Variants in PRDM5 observed in about 807,000 individuals in gnomAD.
The protein encoded by PRDM5 is PR domain zinc finger protein 5.
In PRDM5, 56 loss-of-function variants were observed where a neutral mutation model predicts 81.2. The ratio of observed to expected loss-of-function variants is 0.69; its 90% CI spans 0.56 to 0.86. The LOEUF is 0.86. Among genes scored for constraint, PRDM5 ranks in the 40% least tolerant of loss-of-function variants. The probability of loss-of-function intolerance (pLI) is 0.00; values close to 1 mark genes in which losing one functional copy is unlikely to be tolerated. For missense variants in PRDM5, 697 were observed against 770.1 expected (o/e 0.91, Z 1.12); for synonymous variants, 267 against 256.4 (o/e 1.04, Z -0.39).
intron 14 of PRDM5, among the ~76,000 whole-genome samples, chr4:120,738,430 C>T (rs1741433853): frequency 6.7e-6 from 1 of 148,750 alleles, no homozygotes; most frequent in Admixed American, 6.6e-5. Flanking sequence ...CTTAATTTAA[C>T]TTATTTATAT....
intron 2 of PRDM5, among the ~76,000 whole-genome samples, chr4:120,873,566 T>C (rs115699429): frequency 0.018 from 2,711 of 152,374 alleles, 56 homozygotes; most frequent in Middle Eastern, 0.034. Flanking sequence ...ATAGTCATTG[T>C]CAAACATTTC....
chr4:120,709,213 C>T (rs559054511), intron 15 of PRDM5, among the ~76,000 whole-genome samples: 4 of 152,212 alleles, frequency 2.6e-5, no homozygotes, highest in Non-Finnish European at 5.9e-5. Context: ...CTACTTGTGT[C>T]ACAGTACAAT....
chr4:120,781,599 G>A (rs1749045811), intron 11 of PRDM5, among the ~76,000 whole-genome samples: 2 of 152,120 alleles, frequency 1.3e-5, no homozygotes, highest in Non-Finnish European at 2.9e-5. Flanking sequence ...TTCTACAGCG[G>A]GGGCTGGGAT....
intron 1 of PRDM5, among the ~76,000 whole-genome samples, chr4:120,913,304 A>G (rs1004374891): frequency 1.3e-5 from 2 of 152,208 alleles, no homozygotes; most frequent in South Asian, 4.1e-4. Context: ...CTTGAGTCCA[A>G]GAGAATTGCA....
chr4:120,699,161 A>AATATAAATAT (rs1286927101), intron 15 of PRDM5, among the ~76,000 whole-genome samples: 312 of 73,326 alleles, frequency 4.3e-3, no homozygotes, highest in Non-Finnish European at 7.4e-3. Context: ...AGGAAATATA[A>AATATAAATAT]ATATATATAT....
At chr4:120,788,171 T>C (rs1204264856) in intron 10 of PRDM5, among the ~76,000 whole-genome samples, 1 of 152,160 alleles carries the variant, frequency 6.6e-6, no homozygotes, top group African/African-American at 2.4e-5. Context: ...ACTACTTTTT[T>C]TTAAATAAAA....
chr4:120,853,382 C>G (rs1339652833), intron 3 of PRDM5, 36 bp downstream of exon 3: 1 of 1,613,314 alleles, frequency 6.2e-7, no homozygotes, highest in East Asian at 2.2e-5. Flanking sequence ...TCCCCCCTCA[C>G]AGTGCATAGT....
intron 15 of PRDM5, among the ~76,000 whole-genome samples, chr4:120,696,302 C>T (rs1734509426): frequency 6.6e-6 from 1 of 152,134 alleles, no homozygotes; most frequent in South Asian, 2.1e-4. Flanking sequence ...GTCATCCTTT[C>T]TGGATTCCCT....
intron 14 of PRDM5, among the ~76,000 whole-genome samples, chr4:120,717,776 G>C (rs555476674): frequency 6.6e-6 from 1 of 152,220 alleles, no homozygotes; most frequent in South Asian, 2.1e-4. Flanking sequence ...ACATACAGTA[G>C]GTACATAATC....
At chr4:120,747,467 A>G (rs1743298388) in intron 14 of PRDM5, among the ~76,000 whole-genome samples, 2 of 152,122 alleles carry the variant, frequency 1.3e-5, no homozygotes, top group South Asian at 4.2e-4. Context: ...AAATAAATAA[A>G]TAAATTTTTG....
downstream of PRDM5, among the ~76,000 whole-genome samples, chr4:120,689,962 A>G (rs1578551956): frequency 6.6e-6 from 1 of 152,126 alleles, no homozygotes; most frequent in African/African-American, 2.4e-5. Flanking sequence ...AGGACCCATC[A>G]GTTTGCCAAT....
chr4:120,898,039 TA>T (rs1192876121), intron 2 of PRDM5, among the ~76,000 whole-genome samples: 1 of 152,220 alleles, frequency 6.6e-6, no homozygotes, highest in Non-Finnish European at 1.5e-5. Context: ...TTGAAAAGTT[TA>T]GAGGATCCAG....
chr4:120,804,928 G>A (rs1752691093), intron 8 of PRDM5, among the ~76,000 whole-genome samples: 1 of 151,976 alleles, frequency 6.6e-6, no homozygotes, highest in Non-Finnish European at 1.5e-5. Context: ...TTTTTGAGAA[G>A]ATCAACAAAA....
At chr4:120,764,226 A>T (rs1030753744) in intron 13 of PRDM5, among the ~76,000 whole-genome samples, 8 of 152,112 alleles carry the variant, frequency 5.3e-5, no homozygotes, top group Non-Finnish European at 1.2e-4. Context: ...CCAGTATATA[A>T]AAAAAAGAAG....
intron 15 of PRDM5, among the ~76,000 whole-genome samples, chr4:120,704,526 T>C (rs1466368061): frequency 6.6e-6 from 1 of 152,214 alleles, no homozygotes; most frequent in Non-Finnish European, 1.5e-5. Flanking sequence ...TGAAATAAGA[T>C]ATTTAACAGA....
At chr4:120,838,325 T>C (rs1757596063) in intron 3 of PRDM5, 1 of 152,166 alleles carries the variant, frequency 6.6e-6, no homozygotes, top group Non-Finnish European at 1.5e-5. Flanking sequence ...TAATTGTACA[T>C]ATTCATGGGG....
intron 2 of PRDM5, among the ~76,000 whole-genome samples, chr4:120,858,734 CA>C (rs1455833882): frequency 2.0e-5 from 3 of 152,162 alleles, no homozygotes; most frequent in African/African-American, 7.2e-5. Flanking sequence ...AGAGGAAATA[CA>C]GGCATTTACA....
chr4:120,916,241 G>A (rs1026603973), intron 1 of PRDM5, among the ~76,000 whole-genome samples: 1 of 152,038 alleles, frequency 6.6e-6, no homozygotes, highest in African/African-American at 2.4e-5. Context: ...ACAAAAATTA[G>A]CCAGGTGTGG....
intron 2 of PRDM5, among the ~76,000 whole-genome samples, chr4:120,859,917 AAACTTGTC>A (rs1760376065): frequency 6.6e-6 from 1 of 152,188 alleles, no homozygotes; most frequent in Admixed American, 6.5e-5. Flanking sequence ...GGGTGCACAC[AAACTTGTC>A]AAAACCCTCC....
Sources: gnomAD v4.1 joint callset for allele counts (sites outside exome capture counted in the v4.1 genomes callset) on GRCh38, gnomAD v4.1.1 for gene constraint, MANE v1.5 for transcripts, NCBI Gene and HGNC (gene_info 2026-07-23, HGNC 2026-07-21) for gene names.